The following SKAP2 variants were observed in gnomAD, a reference collection of about 807,000 sequenced individuals.
The protein encoded by SKAP2 is src kinase associated phosphoprotein 2.
A neutral mutation model predicts 54.9 loss-of-function variants in SKAP2; 28 were observed. That is an observed-to-expected ratio of 0.51 (90% CI 0.38 to 0.70). SKAP2 has a LOEUF of 0.70. Ranked by LOEUF, SKAP2 falls within the 30% of genes least tolerant of loss-of-function variation. SKAP2 has a pLI of 0.00. For missense variants in SKAP2, 356 were observed against 424.1 expected, an observed-to-expected ratio of 0.84 and a Z score of 1.41; for synonymous variants, 137 against 134.3, an observed-to-expected ratio of 1.02 and a Z score of -0.14.
At position 26,667,838 on chromosome 7, in the gene SKAP2, A is replaced by G. The variant is rs1406661953; in HGVS notation, c.*1828T>C. On this transcript the variant is annotated 3_prime_UTR_variant, in exon 13 of 13. Transcript: ENST00000345317. Reference sequence around the variant, plus strand: ...CCACAAAGGCTACATTGTCATGGGAAACAACGGCTTTTGCTTTTCAGCTGC... The same window carrying G: ...CCACAAAGGCTACATTGTCATGGGAGACAACGGCTTTTGCTTTTCAGCTGC... 1 of 152,346 alleles carries G rather than the reference A, an allele frequency of 6.6e-6. No homozygotes were observed. The highest frequency in any genetic ancestry group is 1.9e-4 in the East Asian group (1 of 5,192). 9.4% of individuals were successfully genotyped at this position (152,346 alleles called of 1,614,324 possible).
intron 11 of SKAP2, among the ~76,000 whole-genome samples, chr7:26,681,387 T>C (rs991225531): frequency 9.2e-5 from 14 of 152,222 alleles, no homozygotes; most frequent in African/African-American, 3.4e-4. Flanking sequence ...GCGGTTGCGG[T>C]GAGCCGAGAT....
chr7:26,745,098 T>C (rs1782534181), intron 4 of SKAP2, among the ~76,000 whole-genome samples: 1 of 151,100 alleles, frequency 6.6e-6, no homozygotes, highest in Non-Finnish European at 1.5e-5. Context: ...CCCCTTCAAT[T>C]TTCCCTTTTC....
At chr7:26,853,502 C>A (rs941690241) in intron 3 of SKAP2, among the ~76,000 whole-genome samples, 5 of 152,044 alleles carry the variant, frequency 3.3e-5, no homozygotes, top group Non-Finnish European at 4.4e-5. Context: ...AGCTGTCTCT[C>A]AAATCTAGAG....
At chr7:26,726,789 G>T in intron 7 of SKAP2, 93 bp downstream of exon 7, 1 of 994,840 alleles carries the variant, frequency 1.0e-6, no homozygotes, top group Non-Finnish European at 1.4e-6. Flanking sequence ...TTGTTAACAT[G>T]TCAAGGAAAG....
At chr7:26,666,494 AAC>A (rs1340244032), downstream of SKAP2, among the ~76,000 whole-genome samples, 2 of 152,198 alleles carry the variant, frequency 1.3e-5, no homozygotes, top group Non-Finnish European at 2.9e-5. Context: ...ACATTTAAGA[AAC>A]AGTTGAATGG....
At chr7:26,691,237 A>C (rs1786773071) in intron 9 of SKAP2, among the ~76,000 whole-genome samples, 2 of 152,188 alleles carry the variant, frequency 1.3e-5, no homozygotes, top group Non-Finnish European at 2.9e-5. Context: ...TTATGCAAAG[A>C]AATAAGATAA....
At chr7:26,864,331 G>A (rs2128000277) in intron 1 of SKAP2, 32 bp downstream of exon 1, 1 of 1,613,114 alleles carries the variant, frequency 6.2e-7, no homozygotes, top group Non-Finnish European at 8.5e-7. Context: ...CCCCCGCCCC[G>A]ACAGCATTAT....
At chr7:26,800,032 G>A (rs1266935187) in intron 4 of SKAP2, among the ~76,000 whole-genome samples, 4 of 152,036 alleles carry the variant, frequency 2.6e-5, no homozygotes, top group African/African-American at 9.7e-5. Flanking sequence ...GCTGAGGCAG[G>A]AGAATGGCAT....
intron 4 of SKAP2, among the ~76,000 whole-genome samples, chr7:26,838,520 A>T (rs907939450): frequency 6.6e-6 from 1 of 152,234 alleles, no homozygotes. Flanking sequence ...TTGACAAAAA[A>T]GTTATCATCA....
At position 26,739,907 on chromosome 7, in the gene SKAP2, T is replaced by C; in HGVS notation, c.365A>G (p.Tyr122Cys). ...QDLPFVLKAG[Y>C]LEKRRKDHSF... ...TTTACCTTTTCTGCGTTTTTCAAGG[T>C]AGCCAGCCTTTAGAACAAAAGGAAG... The change falls in exon 5 of 13, where the codon TAC (tyrosine) becomes TGC (cysteine). Residue 122 changes from tyrosine (Y) to cysteine (C), a missense_variant. Coordinates refer to ENST00000345317, the MANE Select transcript of SKAP2 (RefSeq NM_003930.5). The C allele has an allele frequency of 6.2e-7, 1 of 1,611,872 alleles. No homozygotes were observed. Among genetic ancestry groups the C allele is most frequent in the Non-Finnish European group, 8.5e-7 (1 of 1,179,062 alleles).
chr7:26,857,843 T>C (rs1785204950), intron 1 of SKAP2: 4 of 534,656 alleles, frequency 7.5e-6, no homozygotes, highest in Non-Finnish European at 9.6e-6. Context: ...TGAAGCTTCT[T>C]ATTGTGCTCT....
At chr7:26,808,383 T>C (rs1784071207) in intron 4 of SKAP2, among the ~76,000 whole-genome samples, 1 of 152,204 alleles carries the variant, frequency 6.6e-6, no homozygotes, top group Non-Finnish European at 1.5e-5. Flanking sequence ...AAATACAGTA[T>C]GACTTTACTC....
In SKAP2 at chr7:26,843,553, T is replaced by C. The variant is rs111779108; in HGVS notation, c.307+477A>G. ...GACAATATAAAAATGAAAATGCGCA[T>C]TAAAAGAAGCATTTGATAAAAACCT... On this transcript the variant is annotated intron_variant, in intron 4 of 12. Transcript: ENST00000345317. Among the ~76,000 whole-genome samples, 7 of 152,096 alleles carry C rather than the reference T, an allele frequency of 4.6e-5. 1 individual carries two copies. The highest frequency in any genetic ancestry group is 2.1e-4 in the South Asian group (1 of 4,830).
intron 1 of SKAP2, among the ~76,000 whole-genome samples, chr7:26,858,836 C>T (rs1049627567): frequency 3.3e-5 from 5 of 152,264 alleles, no homozygotes; most frequent in Non-Finnish European, 7.3e-5. Flanking sequence ...CACAGATTCC[C>T]ACTCTTGAAA....
rs1787908557 is a variant in SKAP2 at position 26,735,456 on chromosome 7, T to C, written c.469+3339A>G. On this transcript the variant is annotated intron_variant, in intron 6 of 12. Coordinates refer to ENST00000345317, the MANE Select transcript of SKAP2 (RefSeq NM_003930.5). ...CAGACAATATTTATTGGTACAATGGTAAGTGCATTATTTACCCAACAGGTT... is the reference window on the plus strand; with the variant it reads ...CAGACAATATTTATTGGTACAATGGCAAGTGCATTATTTACCCAACAGGTT... 2.0e-5 allele frequency among the ~76,000 whole-genome samples: 3 copies of C among 152,178 alleles called. 1 individual carries two copies. In the South Asian group the frequency reaches 6.2e-4, roughly 31 times the overall value.
chr7:26,807,370 T>A (rs1045081067), intron 4 of SKAP2, among the ~76,000 whole-genome samples: 10 of 152,128 alleles, frequency 6.6e-5, no homozygotes, highest in African/African-American at 2.4e-4. Flanking sequence ...CCCATGTTGT[T>A]CTTGTGATAG....
At chr7:26,803,422 A>G (rs760698743) in intron 4 of SKAP2, among the ~76,000 whole-genome samples, 1 of 152,212 alleles carries the variant, frequency 6.6e-6, no homozygotes. Flanking sequence ...ATGAGACATC[A>G]TCTCACCCCA....
chr7:26,688,401 G>T (rs1230224145), intron 10 of SKAP2, among the ~76,000 whole-genome samples: 2 of 152,092 alleles, frequency 1.3e-5, no homozygotes, highest in Non-Finnish European at 2.9e-5. Flanking sequence ...AAAAGTCTGT[G>T]GTGGGGGGTT....
chr7:26,749,096 TC>T (rs1303030402), intron 4 of SKAP2, among the ~76,000 whole-genome samples: 1 of 152,144 alleles, frequency 6.6e-6, no homozygotes, highest in Non-Finnish European at 1.5e-5. Context: ...AGTCCATTGT[TC>T]CATACACATA....
Sources: allele counts gnomAD v4.1 joint callset (sites outside exome capture counted in the v4.1 genomes callset), GRCh38; gene constraint gnomAD v4.1.1; transcripts MANE v1.5; gene names NCBI Gene and HGNC (gene_info 2026-07-23, HGNC 2026-07-21).